Variants in ZNF804B observed in about 807,000 individuals in gnomAD.
ZNF804B encodes the protein zinc finger protein 804B, also known as zinc finger 804B.
In ZNF804B, 80 loss-of-function variants were observed where a neutral mutation model predicts 101.4. The ratio of observed to expected loss-of-function variants is 0.79; its 90% CI spans 0.66 to 0.95. The LOEUF (loss-of-function observed/expected upper bound fraction) is 0.95, where lower values mean the gene tolerates loss of function less well. Among genes scored for constraint, ZNF804B ranks in the 40% least tolerant of loss-of-function variants. The probability of loss-of-function intolerance (pLI) is 0.00; values close to 1 mark genes in which losing one functional copy is unlikely to be tolerated. For synonymous variants in ZNF804B, 622 were observed against 558.8 expected (o/e 1.11, Z -1.59); for missense variants, 1,673 against 1,561.9 (o/e 1.07, Z -1.20).
At chr7:89,108,746 A>T (rs1298047728) in intron 1 of ZNF804B, among the ~76,000 whole-genome samples, 1 of 152,160 alleles carries the variant, frequency 6.6e-6, no homozygotes, top group African/African-American at 2.4e-5. Context: ...CAAAGAAGAA[A>T]TAAGTGTGAA....
At chr7:89,268,718 T>G (rs1789837245) in intron 2 of ZNF804B, among the ~76,000 whole-genome samples, 2 of 152,084 alleles carry the variant, frequency 1.3e-5, no homozygotes, top group South Asian at 2.1e-4. Context: ...AATGGGGATG[T>G]GTACCCATCA....
intron 1 of ZNF804B, among the ~76,000 whole-genome samples, chr7:88,896,791 C>G (rs1792291214): frequency 6.6e-6 from 1 of 152,012 alleles, no homozygotes; most frequent in Admixed American, 6.6e-5. Flanking sequence ...TGCCCAGTGC[C>G]TTTGTAAGAG....
At chr7:89,150,730 T>G (rs1480619489) in intron 1 of ZNF804B, among the ~76,000 whole-genome samples, 1 of 152,026 alleles carries the variant, frequency 6.6e-6, no homozygotes, top group Admixed American at 6.6e-5. Flanking sequence ...GTGGACAAAA[T>G]GAGAAATGTT....
chr7:88,883,415 A>G (rs966730823), intron 1 of ZNF804B, among the ~76,000 whole-genome samples: 1 of 152,066 alleles, frequency 6.6e-6, no homozygotes, highest in Non-Finnish European at 1.5e-5. Flanking sequence ...TACATAAGGC[A>G]TGGCCATATA....
intron 1 of ZNF804B, among the ~76,000 whole-genome samples, chr7:88,768,486 G>A (rs1790016642): frequency 6.6e-6 from 1 of 152,222 alleles, no homozygotes; most frequent in Non-Finnish European, 1.5e-5. Context: ...GGGAGGCCCA[G>A]GTGGGCAGAT....
chr7:88,887,871 T>C (rs1792154254), intron 1 of ZNF804B, among the ~76,000 whole-genome samples: 1 of 152,074 alleles, frequency 6.6e-6, no homozygotes, highest in Non-Finnish European at 1.5e-5. Flanking sequence ...GATATTAAGT[T>C]TTACATTTGC....
chr7:88,966,846 C>T (rs983507325), intron 1 of ZNF804B, among the ~76,000 whole-genome samples: 5 of 151,512 alleles, frequency 3.3e-5, no homozygotes, highest in African/African-American at 1.2e-4. Flanking sequence ...TTTCAAGACA[C>T]GTGTAATGTT....
chr7:88,784,633 A>G (rs78086980), intron 1 of ZNF804B, among the ~76,000 whole-genome samples: 6,257 of 152,226 alleles, frequency 0.041, 158 homozygotes, highest in Non-Finnish European at 0.053. Context: ...CCAACGGCCA[A>G]GCTTTTGGAA....
intron 2 of ZNF804B, among the ~76,000 whole-genome samples, chr7:89,219,692 G>A (rs4283972): frequency 0.24 from 36,334 of 150,884 alleles, 4,734 homozygotes; most frequent in Non-Finnish European, 0.27. Context: ...GCTGTAACAA[G>A]GTACACATTC....
In ZNF804B at chr7:89,047,078, A is replaced by T. The variant is rs79461628; in HGVS notation, c.109-171077A>T. Reference sequence around the variant, plus strand: ...CCTTTGAGGGTTTTAAAATTATGTTAAATTTCCATGTTTATCTGCAAGTTA... The same window carrying T: ...CCTTTGAGGGTTTTAAAATTATGTTTAATTTCCATGTTTATCTGCAAGTTA... On this transcript the variant is annotated intron_variant, in intron 1 of 3. Transcript: ENST00000333190. 2.3e-3 allele frequency among the ~76,000 whole-genome samples: 346 copies of T among 152,192 alleles called. 3 individuals are homozygous for T. The highest frequency in any genetic ancestry group is 8.0e-3 in the African/African-American group (331 of 41,530).
intron 1 of ZNF804B, among the ~76,000 whole-genome samples, chr7:89,037,308 A>G (rs1464633327): frequency 2.6e-5 from 4 of 152,046 alleles, no homozygotes; most frequent in African/African-American, 9.7e-5. Flanking sequence ...AAATAGCATA[A>G]TTGCTGCTTT....
At chr7:88,805,737 G>C (rs1790676138) in intron 1 of ZNF804B, among the ~76,000 whole-genome samples, 1 of 152,162 alleles carries the variant, frequency 6.6e-6, no homozygotes, top group Admixed American at 6.5e-5. Flanking sequence ...GGTATGGGAA[G>C]TATAGGCACC....
At chr7:89,268,099 T>C (rs1769913165) in intron 2 of ZNF804B, among the ~76,000 whole-genome samples, 1 of 152,128 alleles carries the variant, frequency 6.6e-6, no homozygotes, top group Admixed American at 6.6e-5. Context: ...AATGAGTATC[T>C]TTCTCCTATG....
In ZNF804B at chr7:88,794,545, A is replaced by T. The variant is rs1186604028; in HGVS notation, c.108+34461A>T. ...CCTCATTGGAATGTTATGAGAAATGACTATAATTTTCATTTGTTGAATAAA... is the reference window on the plus strand; with the variant it reads ...CCTCATTGGAATGTTATGAGAAATGTCTATAATTTTCATTTGTTGAATAAA... On this transcript the variant is annotated intron_variant, in intron 1 of 3. Coordinates refer to ENST00000333190, the MANE Select transcript of ZNF804B (RefSeq NM_181646.5). 10 of 1,613,684 alleles carry T rather than the reference A, an allele frequency of 6.2e-6. No homozygotes were observed. The South Asian group carries it at 1.1e-4, about 18-fold the overall frequency.
At chr7:88,951,910 C>T (rs1288101340) in intron 1 of ZNF804B, among the ~76,000 whole-genome samples, 1 of 151,798 alleles carries the variant, frequency 6.6e-6, no homozygotes, top group Non-Finnish European at 1.5e-5. Context: ...AAATTGATTT[C>T]ATATCCAAGG....
chr7:89,253,395 A>T (rs971835945), intron 2 of ZNF804B, among the ~76,000 whole-genome samples: 4 of 152,186 alleles, frequency 2.6e-5, no homozygotes, highest in African/African-American at 7.2e-5. Flanking sequence ...AATATGAAAG[A>T]CAATATAGGT....
intron 1 of ZNF804B, among the ~76,000 whole-genome samples, chr7:88,841,053 A>G (rs747555048): frequency 6.6e-6 from 1 of 152,184 alleles, no homozygotes; most frequent in Non-Finnish European, 1.5e-5. Context: ...ACTCTTATCT[A>G]TCTTCTTTAA....
intron 2 of ZNF804B, among the ~76,000 whole-genome samples, chr7:89,222,919 T>C (rs1008593): frequency 0.59 from 89,308 of 151,678 alleles, 26,798 homozygotes; most frequent in African/African-American, 0.63. Flanking sequence ...TCTTGGATAA[T>C]ATTGAAATAC....
At chr7:89,074,686 A>G (rs1027920280) in intron 1 of ZNF804B, among the ~76,000 whole-genome samples, 5 of 152,176 alleles carry the variant, frequency 3.3e-5, no homozygotes, top group African/African-American at 1.2e-4. Context: ...TGCTGCTCAA[A>G]AGATACCTGA....
Sources: allele counts gnomAD v4.1 joint callset (sites outside exome capture counted in the v4.1 genomes callset), GRCh38; gene constraint gnomAD v4.1.1; transcripts MANE v1.5; gene names NCBI Gene and HGNC (gene_info 2026-07-23, HGNC 2026-07-21).